TASP1: variants seen among roughly 807,000 people sequenced by gnomAD.
TASP1 encodes taspase 1, also known as threonine aspartase 1.
TASP1 carries 16 observed loss-of-function variants against 56.6 expected under a neutral mutation model. The observed-to-expected ratio is 0.28, with a 90% CI of 0.19 to 0.43. TASP1 has a LOEUF of 0.43. TASP1 is among the 20% of genes least tolerant of loss of function. The pLI, the probability that TASP1 is intolerant of heterozygous loss-of-function variation, is 1.00. For missense variants in TASP1, 393 were observed against 511.6 expected (o/e 0.77, Z 2.24); for synonymous variants, 179 against 184.2 (o/e 0.97, Z 0.23).
chr20:13,583,645 G>A (rs545689955), intron 5 of TASP1, among the ~76,000 whole-genome samples: 29 of 152,228 alleles, frequency 1.9e-4, no homozygotes, highest in African/African-American at 5.1e-4. Flanking sequence ...CCTCATGAGC[G>A]TATTGTGAGA....
At chr20:13,313,141 C>T in the TASP1 span, among the ~76,000 whole-genome samples, 3 of 152,194 alleles carry the variant, frequency 2.0e-5, no homozygotes, top group Non-Finnish European at 4.4e-5. Flanking sequence ...GCCCACAGAT[C>T]CCTTCTACAG....
the TASP1 span, among the ~76,000 whole-genome samples, chr20:13,347,401 C>T: frequency 2.5e-4 from 38 of 152,212 alleles, no homozygotes; most frequent in African/African-American, 8.9e-4. Flanking sequence ...TTCCTGGGCT[C>T]TCCAACCCAC....
intron 5 of TASP1, among the ~76,000 whole-genome samples, chr20:13,582,132 A>T (rs2047149265): frequency 6.6e-6 from 1 of 151,718 alleles, no homozygotes; most frequent in Non-Finnish European, 1.5e-5. Context: ...ACAAAAAAAA[A>T]AAAAAAGAAA....
At chr20:13,191,184 T>A in the TASP1 span, among the ~76,000 whole-genome samples, 1 of 152,102 alleles carries the variant, frequency 6.6e-6, no homozygotes, top group African/African-American at 2.4e-5. Flanking sequence ...AGTATAAAAC[T>A]TTCTCAAAAA....
the TASP1 span, among the ~76,000 whole-genome samples, chr20:13,356,294 C>T: frequency 6.6e-6 from 1 of 152,176 alleles, no homozygotes. Flanking sequence ...TCCCAGATTT[C>T]ACAATGAACA....
At chr20:13,624,655 T>G (rs1298462225) in intron 3 of TASP1, among the ~76,000 whole-genome samples, 2 of 152,298 alleles carry the variant, frequency 1.3e-5, no homozygotes, top group South Asian at 4.1e-4. Context: ...AGTCCATTCC[T>G]GTCCCCACAT....
chr20:13,385,045 G>A (rs1001246434), downstream of TASP1, among the ~76,000 whole-genome samples: 5 of 152,194 alleles, frequency 3.3e-5, no homozygotes, highest in Non-Finnish European at 7.4e-5. Flanking sequence ...AAAAATTTTG[G>A]AAGACATTAA....
chr20:13,233,595 CAA>C, the TASP1 span, among the ~76,000 whole-genome samples: 2,561 of 63,626 alleles, frequency 0.04, 33 homozygotes, highest in Non-Finnish European at 0.043. Flanking sequence ...AACTCCATCT[CAA>C]AAAAAAAAAA....
the TASP1 span, among the ~76,000 whole-genome samples, chr20:13,377,418 G>T: frequency 2.6e-5 from 4 of 152,208 alleles, no homozygotes; most frequent in East Asian, 7.7e-4. Context: ...TCCCAGGAAT[G>T]AACCCAACTT....
At chr20:13,172,760 G>A in the TASP1 span, among the ~76,000 whole-genome samples, 9 of 152,058 alleles carry the variant, frequency 5.9e-5, no homozygotes, top group Non-Finnish European at 1.3e-4. Flanking sequence ...GTTTACTTCA[G>A]TACCCTTCCT....
chr20:13,322,755 C>T, the TASP1 span, among the ~76,000 whole-genome samples: 6 of 152,146 alleles, frequency 3.9e-5, no homozygotes, highest in African/African-American at 1.2e-4. Context: ...TTTATCTAAT[C>T]AGACAGTCTA....
chr20:13,411,520 T>C (rs1318354613), intron 13 of TASP1, among the ~76,000 whole-genome samples: 2 of 152,206 alleles, frequency 1.3e-5, no homozygotes, highest in South Asian at 2.1e-4. Flanking sequence ...AATTTATTAC[T>C]AGGTATTTCT....
chr20:13,267,464 C>T, the TASP1 span, among the ~76,000 whole-genome samples: 1 of 152,204 alleles, frequency 6.6e-6, no homozygotes, highest in East Asian at 1.9e-4. Flanking sequence ...CTTCCCTTTC[C>T]ATGTGTAGAC....
the TASP1 span, among the ~76,000 whole-genome samples, chr20:13,183,768 G>T: frequency 6.6e-6 from 1 of 152,108 alleles, no homozygotes; most frequent in Non-Finnish European, 1.5e-5. Context: ...GGTGGCTCAC[G>T]CCTGTAATCC....
At chr20:13,171,361 C>G in the TASP1 span, among the ~76,000 whole-genome samples, 2 of 152,034 alleles carry the variant, frequency 1.3e-5, no homozygotes, top group Non-Finnish European at 2.9e-5. Flanking sequence ...AAATTCAGTT[C>G]CCTCTAAAAT....
chr20:13,154,720 C>A, the TASP1 span, among the ~76,000 whole-genome samples: 2,796 of 152,280 alleles, frequency 0.018, 54 homozygotes, highest in South Asian at 0.03. Flanking sequence ...TACTGTGAAC[C>A]TGTTTGGGGG....
At chr20:13,540,479 G>A (rs1275718079) in intron 8 of TASP1, among the ~76,000 whole-genome samples, 1 of 152,098 alleles carries the variant, frequency 6.6e-6, no homozygotes, top group East Asian at 1.9e-4. Context: ...GCCAAAACCT[G>A]GGAACAATCC....
At chr20:13,141,548 T>C in the TASP1 span, among the ~76,000 whole-genome samples, 1 of 152,170 alleles carries the variant, frequency 6.6e-6, no homozygotes, top group Non-Finnish European at 1.5e-5. Context: ...CTAAGGTCCC[T>C]CAATGAAAAC....
At chr20:13,395,156 C>T (rs1335159786) in intron 13 of TASP1, among the ~76,000 whole-genome samples, 1 of 152,174 alleles carries the variant, frequency 6.6e-6, no homozygotes, top group Non-Finnish European at 1.5e-5. Context: ...GAGGCATGAG[C>T]AACTTAAACA....
Sources: allele counts gnomAD v4.1 joint callset (sites outside exome capture counted in the v4.1 genomes callset), GRCh38; gene constraint gnomAD v4.1.1; transcripts MANE v1.5; gene names NCBI Gene and HGNC (gene_info 2026-07-23, HGNC 2026-07-21).